POF1B: variants seen among roughly 807,000 people sequenced by gnomAD.
The protein encoded by POF1B is protein POF1B.
POF1B carries 53 observed loss-of-function variants against 55.3 expected under a neutral mutation model. The ratio of observed to expected loss-of-function variants is 0.96; its 90% CI spans 0.77 to 1.20. POF1B has a LOEUF of 1.20. POF1B is among the 50% of genes most tolerant of loss of function. The pLI is 0.00. For synonymous variants in POF1B, 188 were observed against 148.3 expected (o/e 1.27, Z -1.95); for missense variants, 478 against 420.5 (o/e 1.14, Z -1.20).
intron 15 of POF1B, among the ~76,000 whole-genome samples, chrX:85,290,363 G>A (rs1344105856): frequency 9.0e-6 from 1 of 111,430 alleles, no homozygotes; most frequent in Non-Finnish European, 1.9e-5. Context: ...ACATTGATGG[G>A]CACGTGGGTT....
chrX:85,375,247 G>A, intron 2 of POF1B, among the ~76,000 whole-genome samples: 1 of 112,015 alleles, frequency 8.9e-6, no homozygotes, highest in Non-Finnish European at 1.9e-5. Context: ...ATTAATAAAA[G>A]TTTTAACTTT....
At chrX:85,314,186 G>T (rs2089980740) in intron 9 of POF1B, among the ~76,000 whole-genome samples, 1 of 110,923 alleles carries the variant, frequency 9.0e-6, no homozygotes, top group Non-Finnish European at 1.9e-5. Context: ...AAAGCGCTGA[G>T]GAGTGAATAA....
intron 4 of POF1B, among the ~76,000 whole-genome samples, chrX:85,358,425 T>A (rs1188940573): frequency 1.8e-5 from 2 of 111,262 alleles, no homozygotes; most frequent in African/African-American, 3.3e-5. Context: ...CCTGTTTCTA[T>A]TGAGAGACTG....
chrX:85,318,080 G>T lies in POF1B; in HGVS notation c.855-2346C>A, dbSNP rs1055100866. On this transcript the variant is annotated intron_variant, in intron 7 of 16. Transcript: ENST00000262753. The stretch of plus-strand genomic sequence containing the variant: ...TACTGGGGCCTATTAAAAGGTAGAG[G>T]GTGGGAGGAGGAAGAGGATCAGGAA... 2.7e-5 allele frequency among the ~76,000 whole-genome samples: 3 copies of T among 111,300 alleles called. No individual in the cohort carries two copies. The Admixed American group carries it at 2.9e-4, about 11-fold the overall frequency.
rs941294456 is a variant in POF1B, at chrX:85,292,086, TC to T, written c.1650-9770del. Among the ~76,000 whole-genome samples, 8 of 111,452 alleles carry T rather than the reference TC, an allele frequency of 7.2e-5. No homozygotes were observed. In the Admixed American group the frequency reaches 7.6e-4, roughly 11 times the overall value. On this transcript the variant is annotated intron_variant, in intron 15 of 16. Transcript: ENST00000262753. Reference sequence around the variant, plus strand: ...TGGCTGTGGGTTTTTCACACATGGCTCTTATCATTTTGAGGTATGTTCCTTC... The same window carrying T: ...TGGCTGTGGGTTTTTCACACATGGCTTTATCATTTTGAGGTATGTTCCTTC...
intron 7 of POF1B, among the ~76,000 whole-genome samples, chrX:85,320,411 A>G (rs900145403): frequency 1.8e-5 from 2 of 111,203 alleles, no homozygotes; most frequent in African/African-American, 3.3e-5. Flanking sequence ...AAGACACAAC[A>G]TACCAGAATC....
intron 15 of POF1B, among the ~76,000 whole-genome samples, chrX:85,299,710 A>G (rs1441950497): frequency 8.9e-4 from 72 of 80,807 alleles, no homozygotes; most frequent in Admixed American, 1.5e-3. Flanking sequence ...GGGTTTCACC[A>G]TGTTAGCCAG....
intron 15 of POF1B, among the ~76,000 whole-genome samples, chrX:85,298,778 T>G (rs748390037): frequency 7.2e-5 from 8 of 111,635 alleles, no homozygotes; most frequent in African/African-American, 2.6e-4. Flanking sequence ...ATAATAAATA[T>G]GTTTATAGGG....
At chrX:85,292,385 C>A (rs1308170346) in intron 15 of POF1B, among the ~76,000 whole-genome samples, 1 of 111,162 alleles carries the variant, frequency 9.0e-6, no homozygotes, top group Non-Finnish European at 1.9e-5. Context: ...AGGGTATTGA[C>A]CTGAAGTTTT....
chrX:85,351,080 A>G (rs890950463), intron 5 of POF1B, among the ~76,000 whole-genome samples: 4 of 111,734 alleles, frequency 3.6e-5, no homozygotes, highest in African/African-American at 1.3e-4. Flanking sequence ...GGATATCTTT[A>G]TTAAGTTCAG....
chrX:85,367,554 C>A (rs1933746078), intron 3 of POF1B, 138 bp downstream of exon 3: 1 of 434,336 alleles, frequency 2.3e-6, no homozygotes, highest in South Asian at 3.8e-5. Context: ...ATGTGAGAAT[C>A]CTCTTTCATA....
rs1315022863 is a variant in POF1B, at chrX:85,315,748, A to T, written c.855-14T>A. 1 of 1,166,930 alleles carries T rather than the reference A, an allele frequency of 8.6e-7. No homozygotes were observed. The highest frequency in any genetic ancestry group is 1.1e-6 in the Non-Finnish European group (1 of 873,948). On this transcript the variant is annotated splice_polypyrimidine_tract_variant and intron_variant, in intron 7 of 16. Transcript: ENST00000262753. ...AAGTCCTGTTTGCTGCAAGAACAAA[A>T]AAAAAGATACACAACTTTAGGAAAA...
chrX:85,368,513 A>G (rs1195975921), intron 2 of POF1B, among the ~76,000 whole-genome samples: 1 of 111,566 alleles, frequency 9.0e-6, no homozygotes, highest in Non-Finnish European at 1.9e-5. Context: ...TAAATTTTAA[A>G]GTACCTTTGA....
intron 4 of POF1B, among the ~76,000 whole-genome samples, chrX:85,354,817 C>G (rs1412252007): frequency 9.0e-6 from 1 of 111,167 alleles, no homozygotes; most frequent in Non-Finnish European, 1.9e-5. Context: ...AGGACACAAA[C>G]AAATGGAAGA....
At chrX:85,296,914 A>T (rs777116712) in intron 15 of POF1B, among the ~76,000 whole-genome samples, 2 of 108,106 alleles carry the variant, frequency 1.9e-5, no homozygotes, top group East Asian at 5.8e-4. Flanking sequence ...CATATTTCTC[A>T]GAGGTTTTGT....
At chrX:85,316,491 T>C (rs1293302841) in intron 7 of POF1B, among the ~76,000 whole-genome samples, 2 of 110,926 alleles carry the variant, frequency 1.8e-5, no homozygotes, top group African/African-American at 3.3e-5. Flanking sequence ...GATACATTGA[T>C]AGTGTTGTCT....
At chrX:85,328,321 T>C (rs1420850662) in intron 7 of POF1B, among the ~76,000 whole-genome samples, 2 of 108,401 alleles carry the variant, frequency 1.8e-5, no homozygotes, top group Non-Finnish European at 3.8e-5. Flanking sequence ...TCTCCTGCTT[T>C]AGCCTCCTGA....
intron 7 of POF1B, among the ~76,000 whole-genome samples, chrX:85,320,115 T>C (rs1455088516): frequency 9.0e-6 from 1 of 111,571 alleles, no homozygotes; most frequent in Non-Finnish European, 1.9e-5. Flanking sequence ...GTTGTATGTT[T>C]TCAGAAATGT....
At chrX:85,329,942 C>T (rs1480485893) in intron 7 of POF1B, among the ~76,000 whole-genome samples, 1 of 109,181 alleles carries the variant, frequency 9.2e-6, no homozygotes, top group Non-Finnish European at 1.9e-5. Context: ...GGTGTCATCC[C>T]ATTTACATTA....
Sources: allele counts gnomAD v4.1 joint callset (sites outside exome capture counted in the v4.1 genomes callset), GRCh38; gene constraint gnomAD v4.1.1; transcripts MANE v1.5; gene names NCBI Gene and HGNC (gene_info 2026-07-23, HGNC 2026-07-21).